The following GABRA4 variants were observed in gnomAD, a reference collection of about 807,000 sequenced individuals.
GABRA4 encodes the protein gamma-aminobutyric acid receptor subunit alpha-4.
GABRA4 carries 12 observed loss-of-function variants against 49.7 expected under a neutral mutation model. That is an observed-to-expected ratio of 0.24 (90% CI 0.15 to 0.39). GABRA4 has a LOEUF of 0.39. Among genes scored for constraint, GABRA4 ranks in the 10% least tolerant of loss-of-function variants. The pLI is 1.00. For synonymous variants in GABRA4, 288 were observed against 240.2 expected (o/e 1.20, Z -1.84); for missense variants, 506 against 686.0 (o/e 0.74, Z 2.93).
intron 8 of GABRA4, among the ~76,000 whole-genome samples, chr4:46,930,080 T>C (rs1449003469): frequency 6.6e-6 from 1 of 152,108 alleles, no homozygotes; most frequent in Non-Finnish European, 1.5e-5. Flanking sequence ...TCAAGGTCGC[T>C]GAGTAGAGAA....
chr4:46,938,202 A>G (rs1721664009), intron 8 of GABRA4, among the ~76,000 whole-genome samples: 1 of 152,120 alleles, frequency 6.6e-6, no homozygotes, highest in African/African-American at 2.4e-5. Context: ...ATCCTATGGG[A>G]ATTATTTTAT....
In GABRA4 at chr4:46,924,905, G is replaced by A. The variant is rs917862966; in HGVS notation, c.*3320C>T. The A allele has an allele frequency of 2.0e-5, 3 of 151,954 alleles. No homozygotes were observed. The highest frequency in any genetic ancestry group is 7.2e-5 in the African/African-American group (3 of 41,432). The allele number at this position is 151,954 out of a possible 1,614,324, so 9.4% of individuals were successfully genotyped here. On this transcript the variant is annotated 3_prime_UTR_variant, in exon 9 of 9. Transcript: ENST00000264318. ...GGAATCAGTCTTAGAGAGGTTAAGA[G>A]ACTTGTTTAAAACCACAAGACACTC...
chr4:46,977,142 G>C lies in GABRA4; in HGVS notation c.496C>G (p.Leu166Val). Residue 166 changes from leucine to valine, a missense_variant and splice_region_variant, in exon 5 of 9, where the codon CTC (leucine) becomes GTC (valine). By Grantham distance (32) the Leu-to-Val change is conservative. Coordinates refer to ENST00000264318, the MANE Select transcript of GABRA4 (RefSeq NM_000809.4). Reference sequence around the variant, plus strand: ...ATGGGACACTCCGCACTTATGGTGAGTCTATGATGAAAAATGCAATTAAAT... The same window carrying C: ...ATGGGACACTCCGCACTTATGGTGACTCTATGATGAAAAATGCAATTAAAT... The part of the protein sequence containing the change: ...RNGTILYTMR[L>V]TISAECPMRL... The C allele has an allele frequency of 6.3e-7, 1 of 1,591,842 alleles. No individual in the cohort carries two copies. The highest frequency in any genetic ancestry group is 8.6e-7 in the Non-Finnish European group (1 of 1,164,858).
At chr4:46,966,630 A>T (rs2109378147) in intron 7 of GABRA4, among the ~76,000 whole-genome samples, 1 of 151,810 alleles carries the variant, frequency 6.6e-6, no homozygotes, top group East Asian at 2.0e-4. Context: ...AGATAAATGC[A>T]TGGAAATAAA....
intron 5 of GABRA4, among the ~76,000 whole-genome samples, chr4:46,976,354 CAAAAAAAAAAAAAAAA>C (rs71193888): frequency 3.9e-5 from 2 of 51,758 alleles, no homozygotes; most frequent in African/African-American, 1.4e-4. Flanking sequence ...CACCCATTCT[CAAAAAAAAAAAAAAAA>C]AAAAAAAAGC....
intron 8 of GABRA4, among the ~76,000 whole-genome samples, chr4:46,962,404 A>C (rs112148938): frequency 0.047 from 7,147 of 151,976 alleles, 566 homozygotes; most frequent in African/African-American, 0.16. Context: ...TTACCAAAGA[A>C]ATGAAAGATA....
chr4:46,971,320 A>C lies in GABRA4; in HGVS notation c.722-85T>G, dbSNP rs1368473266. ...TCATAAACATATTTCAGACTAACAA[A>C]CAGGATTCTAAGGAAAGAAATTCTC... On this transcript the variant is annotated intron_variant, in intron 6 of 8. Coordinates refer to ENST00000264318, the MANE Select transcript of GABRA4 (RefSeq NM_000809.4). 12 of 1,230,686 alleles carry C rather than the reference A, an allele frequency of 9.8e-6. 1 individual carries two copies. Among genetic ancestry groups the C allele is most frequent in the South Asian group, 2.6e-5 (2 of 77,374 alleles). The allele number at this position is 1,230,686 out of a possible 1,614,324, so 76.2% of individuals were successfully genotyped here.
At chr4:46,969,327 T>C (rs1411568676) in intron 7 of GABRA4, among the ~76,000 whole-genome samples, 1 of 151,584 alleles carries the variant, frequency 6.6e-6, no homozygotes, top group Non-Finnish European at 1.5e-5. Flanking sequence ...TTCCTTTAAA[T>C]TTTTAATGAG....
Position 46,971,083 on chromosome 4 carries a change from C to G in GABRA4, c.874G>C (p.Gly292Arg). The part of the protein sequence containing the change: ...KESVPARTVF[G>R]ITTVLTMTTL... ...CGCCCAAGAAATGAATTGCAATTACCAAATACAGTCCTAGCGGGAACTGAT... is the reference window on the plus strand; with the variant it reads ...CGCCCAAGAAATGAATTGCAATTACGAAATACAGTCCTAGCGGGAACTGAT... Residue 292 changes from glycine to arginine, a missense_variant and splice_region_variant, in exon 7 of 9, where the codon GGA (glycine) becomes CGA (arginine). Around this residue, in one of 5 missense-constraint regions of GABRA4, gnomAD observed 33 missense variants for 102.5 expected, o/e 0.32. Coordinates refer to ENST00000264318, the MANE Select transcript of GABRA4 (RefSeq NM_000809.4). 6.2e-7 allele frequency: 1 copy of G among 1,603,974 alleles called. No homozygotes were observed. Among genetic ancestry groups the G allele is most frequent in the Non-Finnish European group, 8.5e-7 (1 of 1,175,300 alleles).
In GABRA4 at chr4:46,993,556, G is replaced by A. The variant is rs1723861622; in HGVS notation, c.-132C>T. 1 of 885,674 alleles carries A rather than the reference G, an allele frequency of 1.1e-6. No homozygotes were observed. Among genetic ancestry groups the A allele is most frequent in the African/African-American group, 1.7e-5 (1 of 60,546 alleles). 54.9% of individuals were successfully genotyped at this position (885,674 alleles called of 1,614,324 possible). On this transcript the variant is annotated 5_prime_UTR_variant, in exon 1 of 9. Transcript: ENST00000264318. ...TCGCGCTCACACTCGCCCGCGCTCA[G>A]CCAGCCCGAGCCGCGGTGGGCGTGT...
chr4:46,931,790 T>C (rs1004525123), intron 8 of GABRA4, among the ~76,000 whole-genome samples: 1 of 152,122 alleles, frequency 6.6e-6, no homozygotes, highest in Non-Finnish European at 1.5e-5. Flanking sequence ...CTGCTAGAGA[T>C]TGAGAGCTCA....
At chr4:46,957,462 G>A (rs1376634560) in intron 8 of GABRA4, among the ~76,000 whole-genome samples, 1 of 151,846 alleles carries the variant, frequency 6.6e-6, no homozygotes, top group Non-Finnish European at 1.5e-5. Flanking sequence ...GGGTAAAATG[G>A]AAATAAAGAG....
intron 8 of GABRA4, among the ~76,000 whole-genome samples, chr4:46,944,991 A>C (rs1453729581): frequency 2.0e-5 from 3 of 152,144 alleles, no homozygotes; most frequent in Non-Finnish European, 4.4e-5. Context: ...ATGATGAGTA[A>C]ACAGTATTAA....
chr4:46,986,035 T>C (rs1009216316), intron 2 of GABRA4, among the ~76,000 whole-genome samples: 1 of 152,172 alleles, frequency 6.6e-6, no homozygotes, highest in South Asian at 2.1e-4. Flanking sequence ...CTGAAAAAAA[T>C]CTATCAACGG....
intron 8 of GABRA4, among the ~76,000 whole-genome samples, chr4:46,954,320 G>A (rs1211016617): frequency 6.6e-6 from 1 of 152,072 alleles, no homozygotes; most frequent in Non-Finnish European, 1.5e-5. Context: ...ACTTTGGGAG[G>A]CGGAGGCTGG....
rs1292651800 is a variant in GABRA4, at chr4:46,977,062, A to G, written c.576T>C (p.Ser192=). ...AGCAAAATTTTTATTATAACTTACA[A>G]CTCCCGAATTTCAAAGGGCATGCAT... ...DGHACPLKFG[S]YAYPKSEMIY... The change falls in exon 5 of 9, where the codon AGT becomes AGC. Residue 192 remains serine, a splice_region_variant and synonymous_variant. Coordinates refer to ENST00000264318, the MANE Select transcript of GABRA4 (RefSeq NM_000809.4). 2 of 1,593,294 alleles carry G rather than the reference A, an allele frequency of 1.3e-6. No homozygotes were observed. The highest frequency in any genetic ancestry group is 2.3e-5 in the East Asian group (1 of 44,404).
chr4:46,988,076 T>C (rs1042530190), intron 2 of GABRA4, among the ~76,000 whole-genome samples: 5 of 152,152 alleles, frequency 3.3e-5, no homozygotes, highest in Admixed American at 6.5e-5. Context: ...ACCTTTGCAC[T>C]TAATTGCTTT....
At chr4:46,957,352 G>A (rs1722401655) in intron 8 of GABRA4, among the ~76,000 whole-genome samples, 1 of 151,754 alleles carries the variant, frequency 6.6e-6, no homozygotes, top group Admixed American at 6.6e-5. Flanking sequence ...CTTTTCTTAA[G>A]GAGTCTAAGC....
chr4:46,958,061 TAC>T lies in GABRA4; in HGVS notation c.1134+6907_1134+6908del, dbSNP rs567185122. On this transcript the variant is annotated intron_variant, in intron 8 of 8. Transcript: ENST00000264318. The stretch of plus-strand genomic sequence containing the variant: ...TGCATTTATATGTATATAAAATACA[TAC>T]AGTTTAATGTCTATTCTTAATAGAG... Among the ~76,000 whole-genome samples, 23 of 152,098 alleles carry T rather than the reference TAC, an allele frequency of 1.5e-4. No homozygotes were observed. The South Asian group carries it at 4.3e-3, about 29-fold the overall frequency.
Sources: gnomAD v4.1 joint callset for allele counts (sites outside exome capture counted in the v4.1 genomes callset) on GRCh38, gnomAD v4.1.1 for gene constraint, gnomAD v4.1.1 regional missense constraint, MANE v1.5 for transcripts, NCBI Gene and HGNC (gene_info 2026-07-23, HGNC 2026-07-21) for gene names.